GRIN3A: variants seen among roughly 807,000 people sequenced by gnomAD.
GRIN3A encodes glutamate ionotropic receptor NMDA type subunit 3A.
Under a neutral mutation model 92.4 loss-of-function variants are expected in GRIN3A, and 47 were observed. The observed-to-expected ratio is 0.51, with a 90% CI of 0.40 to 0.65. The LOEUF (loss-of-function observed/expected upper bound fraction) is 0.65. Among genes scored for constraint, GRIN3A ranks in the 30% least tolerant of loss-of-function variants. The pLI is 0.00. For missense variants in GRIN3A, 1,324 were observed against 1,393.1 expected, an observed-to-expected ratio of 0.95 and a Z score of 0.79; for synonymous variants, 527 against 540.6, an observed-to-expected ratio of 0.97 and a Z score of 0.35.
chr9:101,697,961 T>C (rs1829704023), intron 1 of GRIN3A, among the ~76,000 whole-genome samples: 2 of 152,198 alleles, frequency 1.3e-5, no homozygotes, highest in Non-Finnish European at 2.9e-5. Flanking sequence ...AGCTAAAACA[T>C]GCACACTCCA....
chr9:101,703,430 A>G (rs1444074695), intron 1 of GRIN3A, among the ~76,000 whole-genome samples: 1 of 152,146 alleles, frequency 6.6e-6, no homozygotes, highest in African/African-American at 2.4e-5. Context: ...TGACATTAGC[A>G]ATCTCCTCAC....
intron 1 of GRIN3A, among the ~76,000 whole-genome samples, chr9:101,701,271 T>C (rs560611639): frequency 3.3e-5 from 5 of 152,286 alleles, no homozygotes; most frequent in Admixed American, 6.5e-5. Flanking sequence ...ATTTGTTACA[T>C]AGGTAAACGT....
chr9:101,692,136 A>G (rs1044266944), intron 1 of GRIN3A, among the ~76,000 whole-genome samples: 1 of 152,138 alleles, frequency 6.6e-6, no homozygotes, highest in Non-Finnish European at 1.5e-5. Flanking sequence ...GTCTATTTTC[A>G]TACAATGGTC....
At chr9:101,583,460 A>G (rs191927725) in intron 6 of GRIN3A, among the ~76,000 whole-genome samples, 1 of 152,262 alleles carries the variant, frequency 6.6e-6, no homozygotes, top group East Asian at 1.9e-4. Context: ...TGCTGTGCAT[A>G]TGTGCATCTT....
chr9:101,630,103 T>C (rs1316058103), intron 3 of GRIN3A, among the ~76,000 whole-genome samples: 2 of 152,238 alleles, frequency 1.3e-5, no homozygotes, highest in Admixed American at 6.5e-5. Context: ...CCAACATCTA[T>C]TAATTTTTCA....
chr9:101,572,541 T>C lies in GRIN3A; in HGVS notation c.*633A>G, dbSNP rs924792808. On this transcript the variant is annotated 3_prime_UTR_variant, in exon 9 of 9. Coordinates refer to ENST00000361820, the MANE Select transcript of GRIN3A (RefSeq NM_133445.3). The stretch of plus-strand genomic sequence containing the variant: ...TTTTCACAGTAGGGTGTAAGCATGC[T>C]CTTACTAAACAGTCAGGATGGAGTC... 2.6e-5 allele frequency: 4 copies of C among 154,992 alleles called. No individual in the cohort carries two copies. Among genetic ancestry groups the C allele is most frequent in the South Asian group, 2.0e-4 (1 of 5,030 alleles). 9.6% of individuals were successfully genotyped at this position (154,992 alleles called of 1,614,324 possible).
intron 1 of GRIN3A, among the ~76,000 whole-genome samples, chr9:101,727,959 T>C (rs1028743229): frequency 2.6e-5 from 4 of 151,580 alleles, no homozygotes; most frequent in African/African-American, 9.7e-5. Flanking sequence ...GTGAAAAGAC[T>C]CAAATTAACT....
intron 1 of GRIN3A, among the ~76,000 whole-genome samples, chr9:101,713,549 T>C (rs1312897058): frequency 6.6e-6 from 1 of 152,194 alleles, no homozygotes; most frequent in Non-Finnish European, 1.5e-5. Context: ...AAATTCCAGC[T>C]TGGGTTACCA....
chr9:101,737,882 G>A lies in GRIN3A; in HGVS notation c.98C>T (p.Ser33Leu), dbSNP rs560926799. The change falls in exon 1 of 9, where the codon TCG becomes TTG. Residue 33 changes from serine (S) to leucine (L), a missense_variant. Ser to Leu is a moderately radical substitution (Grantham distance 145). Transcript: ENST00000361820. ...LVLAGVPSSS[S>L]HPQPCQILKR... ...GAGGATCTGGCAGGGCTGCGGGTGC[G>A]AGGAGGAGCTGGGCACCCCGGCCAG... The A allele has an allele frequency of 2.6e-6, 4 of 1,534,300 alleles. No homozygotes were observed. The East Asian group carries it at 7.3e-5, about 28-fold the overall frequency.
intron 5 of GRIN3A, 51 bp from the exon 6 acceptor site, chr9:101,613,578 T>C: frequency 6.4e-7 from 1 of 1,570,446 alleles, no homozygotes; most frequent in Middle Eastern, 1.7e-4. Context: ...TCCTGAGAGA[T>C]TGCCACCACA....
chr9:101,684,378 TG>T (rs1311065464), intron 2 of GRIN3A, among the ~76,000 whole-genome samples: 1 of 147,810 alleles, frequency 6.8e-6, no homozygotes, highest in African/African-American at 2.5e-5. Context: ...CCCAAAGTGC[TG>T]GGATTACAGG....
At chr9:101,663,325 T>C (rs1404128542) in intron 3 of GRIN3A, among the ~76,000 whole-genome samples, 3 of 151,944 alleles carry the variant, frequency 2.0e-5, no homozygotes, top group Admixed American at 1.3e-4. Context: ...TGTGCTCCTT[T>C]GATTAATGTT....
intron 2 of GRIN3A, among the ~76,000 whole-genome samples, chr9:101,674,103 G>C (rs776101446): frequency 1.3e-5 from 2 of 151,976 alleles, no homozygotes; most frequent in South Asian, 2.1e-4. Context: ...CAGAGACAGA[G>C]AGTGTGAGCT....
chr9:101,727,999 CTCTGTGTGTGGA>C (rs1830099423), intron 1 of GRIN3A, among the ~76,000 whole-genome samples: 1 of 151,824 alleles, frequency 6.6e-6, no homozygotes, highest in Admixed American at 6.6e-5. Flanking sequence ...AATAACATCT[CTCTGTGTGTGGA>C]TCTGTGTATA....
chr9:101,605,035 G>A (rs1828260855), intron 6 of GRIN3A, among the ~76,000 whole-genome samples: 1 of 152,196 alleles, frequency 6.6e-6, no homozygotes, highest in Non-Finnish European at 1.5e-5. Context: ...CAGGGATGGG[G>A]AGCCCAGGCT....
chr9:101,738,415 T>G lies in GRIN3A; in HGVS notation c.-436A>C. ...TCTCGCCTGGATTCTTTTCCTTTTCTGCCCAGGCGAGACCCACTTATTTCC... is the reference window on the plus strand; with the variant it reads ...TCTCGCCTGGATTCTTTTCCTTTTCGGCCCAGGCGAGACCCACTTATTTCC... On this transcript the variant is annotated 5_prime_UTR_variant, in exon 1 of 9. Coordinates refer to ENST00000361820, the MANE Select transcript of GRIN3A (RefSeq NM_133445.3). 1 of 216,680 alleles carries G rather than the reference T, an allele frequency of 4.6e-6. No homozygotes were observed. Among genetic ancestry groups the G allele is most frequent in the Non-Finnish European group, 9.1e-6 (1 of 109,850 alleles). The allele number at this position is 216,680 out of a possible 1,614,324, so 13.4% of individuals were successfully genotyped here.
intron 3 of GRIN3A, among the ~76,000 whole-genome samples, chr9:101,651,636 T>TTGTGTG (rs57126529): frequency 0.033 from 4,779 of 145,942 alleles, 85 homozygotes; most frequent in South Asian, 0.045. Context: ...AATAAATCCA[T>TTGTGTG]TGTGTGTGTG....
chr9:101,584,885 C>A (rs1827931161), intron 6 of GRIN3A, among the ~76,000 whole-genome samples: 1 of 152,196 alleles, frequency 6.6e-6, no homozygotes, highest in Non-Finnish European at 1.5e-5. Flanking sequence ...AAGTCTCCAG[C>A]AAGAAATGCA....
At chr9:101,621,210 G>A (rs907288490) in intron 5 of GRIN3A, among the ~76,000 whole-genome samples, 1 of 151,704 alleles carries the variant, frequency 6.6e-6, no homozygotes, top group African/African-American at 2.4e-5. Flanking sequence ...GCTTGAACCT[G>A]GGAGGCAGAG....
Sources: allele counts gnomAD v4.1 joint callset (sites outside exome capture counted in the v4.1 genomes callset), GRCh38; gene constraint gnomAD v4.1.1; transcripts MANE v1.5; gene names NCBI Gene and HGNC (gene_info 2026-07-23, HGNC 2026-07-21).